Variants in SPHKAP observed in about 807,000 individuals in gnomAD.
The protein encoded by SPHKAP is SPHK1 interactor, AKAP domain containing.
Under a neutral mutation model 137.5 loss-of-function variants are expected in SPHKAP, and 67 were observed. That is an observed-to-expected ratio of 0.49 (90% CI 0.40 to 0.60). SPHKAP has a LOEUF of 0.60. Among genes scored for constraint, SPHKAP ranks in the 20% least tolerant of loss-of-function variants. The probability of loss-of-function intolerance (pLI) is 0.00; values close to 1 mark genes in which losing one functional copy is unlikely to be tolerated. For synonymous variants in SPHKAP, 813 were observed against 785.3 expected, an observed-to-expected ratio of 1.04 and a Z score of -0.59; for missense variants, 2,097 against 2,069.3, an observed-to-expected ratio of 1.01 and a Z score of -0.26.
At chr2:228,155,598 T>C (rs35344255) in intron 1 of SPHKAP, among the ~76,000 whole-genome samples, 1,752 of 152,028 alleles carry the variant, frequency 0.012, 20 homozygotes, top group Middle Eastern at 0.024. Flanking sequence ...AGATGAGGAG[T>C]TTCCTCATTA....
chr2:228,125,692 A>G (rs1019685843), intron 2 of SPHKAP, among the ~76,000 whole-genome samples: 8 of 152,232 alleles, frequency 5.3e-5, no homozygotes, highest in African/African-American at 1.7e-4. Flanking sequence ...TTAAACAAAT[A>G]TAAAAGAATG....
At chr2:228,081,211 T>C (rs1346316585) in intron 3 of SPHKAP, among the ~76,000 whole-genome samples, 2 of 152,204 alleles carry the variant, frequency 1.3e-5, no homozygotes, top group African/African-American at 2.4e-5. Flanking sequence ...AAATACACAA[T>C]TGACTATTCT....
intron 3 of SPHKAP, among the ~76,000 whole-genome samples, chr2:228,034,142 TAAA>T (rs907873444): frequency 1.7e-4 from 26 of 151,692 alleles, no homozygotes; most frequent in African/African-American, 5.3e-4. Flanking sequence ...GCAAGACTAA[TAAA>T]GAAGAAAAGA....
Position 228,019,995 on chromosome 2 carries a change from G to C in SPHKAP, c.859C>G (p.Pro287Ala). The C allele has an allele frequency of 6.2e-7, 1 of 1,614,202 alleles. No homozygotes were observed. The change falls in exon 7 of 12, where the codon CCA becomes GCA. Residue 287 changes from proline to alanine, a missense_variant. Pro to Ala is a conservative substitution (Grantham distance 27). Coordinates refer to ENST00000392056, the MANE Select transcript of SPHKAP (RefSeq NM_001142644.2). ...PTPLIKTERS[P>A]ENLTKNTALQ... ...GCTGTGTTCTTTGTTAGGTTTTCTG[G>C]AGATCGTTCTGTTTTAATCAATGGT...
chr2:228,037,452 C>T (rs905155242), intron 3 of SPHKAP, among the ~76,000 whole-genome samples: 3 of 152,194 alleles, frequency 2.0e-5, no homozygotes, highest in African/African-American at 7.2e-5. Flanking sequence ...CCATCCCTGA[C>T]CTGGCACATT....
intron 3 of SPHKAP, among the ~76,000 whole-genome samples, chr2:228,096,172 A>G (rs1447277974): frequency 2.0e-5 from 3 of 152,188 alleles, no homozygotes; most frequent in Non-Finnish European, 4.4e-5. Flanking sequence ...AATGGCAAGC[A>G]TTCTAATGAA....
In SPHKAP at chr2:228,014,081, T is replaced by C. The variant is rs369453902; in HGVS notation, c.4448+2325A>G. ...AATTGTACCTATTTTAAGGATAATATCAGTGACATTTAATTCATAATTGTA... is the reference window on the plus strand; with the variant it reads ...AATTGTACCTATTTTAAGGATAATACCAGTGACATTTAATTCATAATTGTA... On this transcript the variant is annotated intron_variant, in intron 7 of 11. Coordinates refer to ENST00000392056, the MANE Select transcript of SPHKAP (RefSeq NM_001142644.2). Among the ~76,000 whole-genome samples the C allele has an allele frequency of 2.8e-4, 43 of 152,322 alleles. 2 individuals carry two copies. In the South Asian group the frequency reaches 8.1e-3, roughly 29 times the overall value.
chr2:227,988,557 AT>A (rs1693298203), intron 11 of SPHKAP, among the ~76,000 whole-genome samples: 1 of 152,218 alleles, frequency 6.6e-6, no homozygotes, highest in Non-Finnish European at 1.5e-5. Context: ...TGAGACATAT[AT>A]TCACATAACA....
intron 7 of SPHKAP, among the ~76,000 whole-genome samples, chr2:228,009,699 A>C (rs1002817824): frequency 6.6e-6 from 1 of 152,168 alleles, no homozygotes; most frequent in Non-Finnish European, 1.5e-5. Flanking sequence ...TCCAGGTTAA[A>C]TTAGTTTCAG....
At chr2:228,085,146 T>G (rs1293403732) in intron 3 of SPHKAP, among the ~76,000 whole-genome samples, 1 of 152,228 alleles carries the variant, frequency 6.6e-6, no homozygotes, top group Non-Finnish European at 1.5e-5. Flanking sequence ...GACACTGCAC[T>G]GTGAAGAACA....
chr2:228,087,774 T>G (rs1024948045), intron 3 of SPHKAP, among the ~76,000 whole-genome samples: 5 of 151,954 alleles, frequency 3.3e-5, no homozygotes, highest in African/African-American at 9.7e-5. Flanking sequence ...AAAAATAGAA[T>G]GAACAGAGAC....
chr2:228,028,480 A>G (rs1263430626), intron 3 of SPHKAP, among the ~76,000 whole-genome samples: 1 of 152,278 alleles, frequency 6.6e-6, no homozygotes, highest in Non-Finnish European at 1.5e-5. Context: ...ATTGTTATAA[A>G]GTCATATGTT....
intron 9 of SPHKAP, 167 bp from the exon 10 acceptor site, chr2:227,991,493 T>G (rs944374629): frequency 6.1e-6 from 6 of 985,332 alleles, no homozygotes; most frequent in African/African-American, 1.7e-5. Context: ...GTGGCTATTA[T>G]GTAAGATCAC....
At chr2:228,010,798 TTGTA>T (rs1034101668) in intron 7 of SPHKAP, among the ~76,000 whole-genome samples, 8 of 152,242 alleles carry the variant, frequency 5.3e-5, no homozygotes, top group African/African-American at 1.9e-4. Flanking sequence ...TGCTCCTATT[TTGTA>T]TGTCTCATTT....
At chr2:228,016,313 C>T in intron 7 of SPHKAP, 93 bp downstream of exon 7, 3 of 1,456,600 alleles carry the variant, frequency 2.1e-6, no homozygotes, top group Non-Finnish European at 2.7e-6. Context: ...TTGCACCAAT[C>T]AAATCCTTTA....
At chr2:228,003,900 C>G (rs914760716) in intron 7 of SPHKAP, among the ~76,000 whole-genome samples, 1 of 152,176 alleles carries the variant, frequency 6.6e-6, no homozygotes, top group Non-Finnish European at 1.5e-5. Flanking sequence ...CCTTGCATCC[C>G]AGGGATGAAG....
At chr2:228,102,588 A>T (rs1698212132) in intron 3 of SPHKAP, among the ~76,000 whole-genome samples, 1 of 152,208 alleles carries the variant, frequency 6.6e-6, no homozygotes, top group Non-Finnish European at 1.5e-5. Context: ...TAATAGTTTC[A>T]GGATCCAAGA....
chr2:228,020,510 T>C (rs752145791), intron 6 of SPHKAP, among the ~76,000 whole-genome samples: 5 of 152,064 alleles, frequency 3.3e-5, no homozygotes, highest in Admixed American at 6.6e-5. Flanking sequence ...TAGGTGGGAA[T>C]TGAACAATAA....
intron 3 of SPHKAP, among the ~76,000 whole-genome samples, chr2:228,061,267 T>C (rs934528755): frequency 6.6e-6 from 1 of 152,014 alleles, no homozygotes; most frequent in Non-Finnish European, 1.5e-5. Context: ...TTTTATTTAT[T>C]TTTTATTTTT....
Sources: gnomAD v4.1 joint callset for allele counts (sites outside exome capture counted in the v4.1 genomes callset) on GRCh38, gnomAD v4.1.1 for gene constraint, MANE v1.5 for transcripts, NCBI Gene and HGNC (gene_info 2026-07-23, HGNC 2026-07-21) for gene names.